PLEKHG1: variants seen among roughly 807,000 people sequenced by gnomAD.
PLEKHG1 encodes pleckstrin homology and RhoGEF domain containing G1.
PLEKHG1 carries 44 observed loss-of-function variants against 100.8 expected under a neutral mutation model. The ratio of observed to expected loss-of-function variants is 0.44; its 90% CI spans 0.34 to 0.56. The LOEUF (loss-of-function observed/expected upper bound fraction) is 0.56, where lower values mean the gene tolerates loss of function less well. Ranked by LOEUF, PLEKHG1 falls within the 20% of genes least tolerant of loss-of-function variation. PLEKHG1 has a pLI of 0.01. For synonymous variants in PLEKHG1, 640 were observed against 662.5 expected (o/e 0.97, Z 0.52); for missense variants, 1,545 against 1,720.9 (o/e 0.90, Z 1.81).
At chr6:150,790,858 C>A (rs1785930901) in intron 4 of PLEKHG1, among the ~76,000 whole-genome samples, 1 of 151,832 alleles carries the variant, frequency 6.6e-6, no homozygotes, top group South Asian at 2.1e-4. Flanking sequence ...CCCATCTCTA[C>A]TAAAAATACA....
intron 1 of PLEKHG1, among the ~76,000 whole-genome samples, chr6:150,603,047 A>G (rs528388136): frequency 7.3e-6 from 1 of 137,338 alleles, no homozygotes; most frequent in African/African-American, 2.7e-5. Flanking sequence ...GCGCCACTGC[A>G]CTCCAACCTG....
intron 15 of PLEKHG1, among the ~76,000 whole-genome samples, chr6:150,834,531 A>G (rs1777126806): frequency 1.3e-5 from 2 of 152,232 alleles, no homozygotes; most frequent in South Asian, 4.1e-4. Flanking sequence ...CAAAGCTCCA[A>G]TCTTGACAGA....
chr6:150,684,903 T>G (rs1562434928), intron 3 of PLEKHG1, among the ~76,000 whole-genome samples: 1 of 152,142 alleles, frequency 6.6e-6, no homozygotes, highest in East Asian at 1.9e-4. Context: ...GAAGCACGTG[T>G]GTGCTTTCAG....
chr6:150,753,809 A>G, intron 2 of PLEKHG1, among the ~76,000 whole-genome samples: 1 of 152,198 alleles, frequency 6.6e-6, no homozygotes, highest in East Asian at 1.9e-4. Flanking sequence ...CCCTGCGACA[A>G]AGGCTGGGAG....
At chr6:150,647,774 CCAGA>C (rs927522227) in intron 2 of PLEKHG1, among the ~76,000 whole-genome samples, 7 of 152,144 alleles carry the variant, frequency 4.6e-5, no homozygotes, top group East Asian at 3.9e-4. Flanking sequence ...GTACTTAAGG[CCAGA>C]CAATCAAATA....
intron 2 of PLEKHG1, among the ~76,000 whole-genome samples, chr6:150,641,687 A>G (rs907974494): frequency 6.6e-6 from 1 of 152,138 alleles, no homozygotes; most frequent in Admixed American, 6.6e-5. Context: ...TTTGGTAGTA[A>G]GTGTAAAACG....
chr6:150,676,704 A>G (rs1460839655), intron 3 of PLEKHG1, among the ~76,000 whole-genome samples: 2 of 152,208 alleles, frequency 1.3e-5, no homozygotes, highest in Non-Finnish European at 1.5e-5. Context: ...AACATAATTC[A>G]TGTTCAAAAA....
intron 11 of PLEKHG1, among the ~76,000 whole-genome samples, chr6:150,819,436 G>A (rs1388471850): frequency 2.6e-5 from 4 of 151,934 alleles, no homozygotes; most frequent in African/African-American, 7.3e-5. Context: ...ATGGTGGCAC[G>A]CGCCTGTAGT....
chr6:150,727,580 C>A (rs1782024694), intron 1 of PLEKHG1, among the ~76,000 whole-genome samples: 1 of 150,658 alleles, frequency 6.6e-6, no homozygotes, highest in Non-Finnish European at 1.5e-5. Context: ...GTCTAGGCAT[C>A]TTTTCCTTTT....
intron 12 of PLEKHG1, among the ~76,000 whole-genome samples, chr6:150,820,791 G>A (rs803388): frequency 0.19 from 28,163 of 152,004 alleles, 2,859 homozygotes; most frequent in Middle Eastern, 0.26. Context: ...CTTGAACCTG[G>A]GAAGCAGAGG....
upstream of PLEKHG1, among the ~76,000 whole-genome samples, chr6:150,716,107 CAAAA>C (rs10592056): frequency 2.9e-5 from 4 of 137,294 alleles, no homozygotes; most frequent in Non-Finnish European, 3.1e-5. Context: ...GACTCCGTCT[CAAAA>C]AAAAAAAAAA....
At chr6:150,666,591 G>C (rs1481172760) in intron 3 of PLEKHG1, among the ~76,000 whole-genome samples, 1 of 152,098 alleles carries the variant, frequency 6.6e-6, no homozygotes, top group African/African-American at 2.4e-5. Context: ...TGCAGACACA[G>C]AAAAGACCTA....
intron 2 of PLEKHG1, among the ~76,000 whole-genome samples, chr6:150,753,346 A>G (rs749811539): frequency 1.1e-4 from 16 of 152,032 alleles, no homozygotes; most frequent in Non-Finnish European, 2.2e-4. Context: ...TTTATACTTT[A>G]AAATATTTTC....
chr6:150,778,124 T>C (rs1359904009), intron 3 of PLEKHG1, among the ~76,000 whole-genome samples: 1 of 152,226 alleles, frequency 6.6e-6, no homozygotes, highest in African/African-American at 2.4e-5. Flanking sequence ...CTATCCTGGT[T>C]TGCAATTCCA....
chr6:150,602,368 A>G (rs925770194), intron 1 of PLEKHG1, among the ~76,000 whole-genome samples: 1 of 152,228 alleles, frequency 6.6e-6, no homozygotes, highest in African/African-American at 2.4e-5. Context: ...GTCCAGCCCT[A>G]CATCTTAAAG....
intron 3 of PLEKHG1, among the ~76,000 whole-genome samples, chr6:150,691,686 A>G (rs1780354828): frequency 6.6e-6 from 1 of 152,214 alleles, no homozygotes. Context: ...GCTGGGGAAG[A>G]GCCTCTTCTT....
intron 3 of PLEKHG1, among the ~76,000 whole-genome samples, chr6:150,674,249 A>G (rs73008169): frequency 0.079 from 12,019 of 152,198 alleles, 549 homozygotes; most frequent in Non-Finnish European, 0.1. Context: ...AGTTAGGGAT[A>G]TGCATGACCC....
intron 3 of PLEKHG1, among the ~76,000 whole-genome samples, chr6:150,779,615 AG>A (rs1425077878): frequency 2.0e-5 from 3 of 151,098 alleles, no homozygotes; most frequent in African/African-American, 7.3e-5. Context: ...TAAAGTGCTA[AG>A]ATTACAGGCA....
At chr6:150,789,806 C>T (rs1348546261) in intron 4 of PLEKHG1, among the ~76,000 whole-genome samples, 1 of 152,162 alleles carries the variant, frequency 6.6e-6, no homozygotes, top group Admixed American at 6.5e-5. Context: ...AACTTGCTCA[C>T]AGACCTTGGG....
Sources: gnomAD v4.1 joint callset for allele counts (sites outside exome capture counted in the v4.1 genomes callset) on GRCh38, gnomAD v4.1.1 for gene constraint, MANE v1.5 for transcripts, NCBI Gene and HGNC (gene_info 2026-07-23, HGNC 2026-07-21) for gene names.